Variants in TACC1 observed in about 807,000 individuals in gnomAD.
TACC1 encodes transforming acidic coiled-coil containing protein 1.
TACC1 carries 48 observed loss-of-function variants against 84.4 expected under a neutral mutation model. The ratio of observed to expected loss-of-function variants is 0.57; its 90% CI spans 0.45 to 0.72. The LOEUF (loss-of-function observed/expected upper bound fraction) is 0.72, where lower values mean the gene tolerates loss of function less well. Ranked by LOEUF, TACC1 falls within the 30% of genes least tolerant of loss-of-function variation. The pLI, the probability that TACC1 is intolerant of heterozygous loss-of-function variation, is 0.00. For synonymous variants in TACC1, 372 were observed against 376.3 expected (o/e 0.99, Z 0.13); for missense variants, 920 against 973.0 (o/e 0.95, Z 0.72).
chr8:38,797,159 T>C (rs1015009939), intron 2 of TACC1, among the ~76,000 whole-genome samples: 2 of 152,188 alleles, frequency 1.3e-5, no homozygotes, highest in Non-Finnish European at 2.9e-5. Flanking sequence ...TGCCCCAGAG[T>C]GAGTGATCCA....
In TACC1 at chr8:38,851,081, T is replaced by G. The variant is rs948284109; in HGVS notation, c.*3058T>G. On this transcript the variant is annotated 3_prime_UTR_variant, in exon 13 of 13. Transcript: ENST00000317827. Reference sequence around the variant, plus strand: ...AACCTTTTGTTCTGTAAAACTGCTCTGGAAATACCGGGAAGCCCAGTTTTC... The same window carrying G: ...AACCTTTTGTTCTGTAAAACTGCTCGGGAAATACCGGGAAGCCCAGTTTTC... The G allele has an allele frequency of 1.3e-5, 2 of 152,370 alleles. No homozygotes were observed. Among genetic ancestry groups the G allele is most frequent in the Non-Finnish European group, 2.9e-5 (2 of 68,050 alleles). The allele number at this position is 152,370 out of a possible 1,614,324, so 9.4% of individuals were successfully genotyped here.
chr8:38,804,544 A>G (rs1046633104), intron 2 of TACC1, among the ~76,000 whole-genome samples: 2 of 152,004 alleles, frequency 1.3e-5, no homozygotes, highest in African/African-American at 4.8e-5. Flanking sequence ...CAGGTGATCC[A>G]CCAACCTCGG....
rs528784555 is a variant in TACC1 at position 38,803,398 on chromosome 8, G to T, written c.277+14579G>T. On this transcript the variant is annotated intron_variant, in intron 2 of 12. Transcript: ENST00000317827. ...TATCATTAAGTATGACGTCAGCTGT[G>T]AGTTTTTCATAAATGCCCTTTATTG... Among the ~76,000 whole-genome samples the T allele has an allele frequency of 9.9e-5, 15 of 152,278 alleles. No homozygotes were observed. In the South Asian group the frequency reaches 3.1e-3, roughly 32 times the overall value.
chr8:38,846,457 C>T, intron 11 of TACC1: 2 of 316,920 alleles, frequency 6.3e-6, no homozygotes, highest in Non-Finnish European at 5.8e-6. Flanking sequence ...AAAAAAAAAT[C>T]TAAGACTGTT....
At chr8:38,738,381 T>G (rs1041560020) in intron 1 of TACC1, among the ~76,000 whole-genome samples, 3 of 152,170 alleles carry the variant, frequency 2.0e-5, no homozygotes, top group Admixed American at 6.5e-5. Flanking sequence ...AGTGCTGGAA[T>G]TATAGGTGTG....
intron 2 of TACC1, among the ~76,000 whole-genome samples, chr8:38,810,478 C>G (rs900385632): frequency 6.6e-6 from 1 of 151,914 alleles, no homozygotes; most frequent in African/African-American, 2.4e-5. Context: ...TGGCTGTATG[C>G]CTGTTGTCTC....
chr8:38,840,120 T>C (rs1285942853), intron 8 of TACC1, 104 bp from the exon 9 acceptor site: 3 of 688,520 alleles, frequency 4.4e-6, no homozygotes, highest in African/African-American at 3.7e-5. Context: ...ATTACATACA[T>C]TGTCAGTGTA....
intron 6 of TACC1, among the ~76,000 whole-genome samples, chr8:38,834,181 G>A (rs1829785630): frequency 6.6e-6 from 1 of 152,212 alleles, no homozygotes; most frequent in Non-Finnish European, 1.5e-5. Flanking sequence ...TGTTGATCAG[G>A]GCTGCAGTCA....
upstream of TACC1, chr8:38,785,905 T>C (rs1817050661): frequency 1.1e-5 from 2 of 175,832 alleles, no homozygotes; most frequent in African/African-American, 4.8e-5. Context: ...CCCCTTTCTT[T>C]TCTCTAGACT....
chr8:38,805,924 C>T (rs1270882075), intron 2 of TACC1, among the ~76,000 whole-genome samples: 2 of 152,152 alleles, frequency 1.3e-5, no homozygotes, highest in African/African-American at 4.8e-5. Context: ...TCTTATGTGG[C>T]CCTTAGTGGC....
chr8:38,821,130 A>G (rs1372018942), intron 3 of TACC1, among the ~76,000 whole-genome samples: 1 of 151,782 alleles, frequency 6.6e-6, no homozygotes, highest in Non-Finnish European at 1.5e-5. Context: ...GCTTGAACCC[A>G]GGAGGCAGAG....
chr8:38,822,011 A>G (rs1177076231), intron 3 of TACC1, among the ~76,000 whole-genome samples: 1 of 152,130 alleles, frequency 6.6e-6, no homozygotes, highest in Non-Finnish European at 1.5e-5. Context: ...CCTTGAGGCC[A>G]GGAGTTCAAG....
intron 3 of TACC1, among the ~76,000 whole-genome samples, chr8:38,773,054 G>A (rs943061924): frequency 2.6e-5 from 4 of 152,018 alleles, no homozygotes; most frequent in African/African-American, 4.8e-5. Context: ...TAGGCCCGGC[G>A]CGGTGGCTCA....
At position 38,851,370 on chromosome 8, in the gene TACC1, G is replaced by C. The variant is rs367840622; in HGVS notation, c.*3347G>C. 6.5e-6 allele frequency: 1 copy of C among 153,006 alleles called. No individual in the cohort carries two copies. Among genetic ancestry groups the C allele is most frequent in the African/African-American group, 2.4e-5 (1 of 41,452 alleles). 9.5% of individuals were successfully genotyped at this position (153,006 alleles called of 1,614,324 possible). A position where few individuals can be genotyped will look rare whatever the true frequency, so the allele number is the denominator to read the frequency against. On this transcript the variant is annotated 3_prime_UTR_variant, in exon 13 of 13. Coordinates refer to ENST00000317827, the MANE Select transcript of TACC1 (RefSeq NM_006283.3). ...AATTCACTCTAATTATAAACAGGGA[G>C]TGTAAACTGCCCCCAGATGTTCCTG...
intron 5 of TACC1, chr8:38,827,748 C>T: frequency 4.1e-6 from 1 of 243,972 alleles, no homozygotes; most frequent in East Asian, 1.1e-4. Flanking sequence ...TTATTTGGTT[C>T]ATGGTTCTGC....
chr8:38,826,226 A>C (rs2152256999), intron 4 of TACC1, among the ~76,000 whole-genome samples: 1 of 152,276 alleles, frequency 6.6e-6, no homozygotes, highest in Non-Finnish European at 1.5e-5. Flanking sequence ...TTACAATCTG[A>C]GTTATTTTTC....
Position 38,787,488 on chromosome 8 carries a change from G to A in TACC1, c.-95G>A. On this transcript the variant is annotated 5_prime_UTR_variant, in exon 1 of 13. Transcript: ENST00000317827. ...GCGCCTCTGCTGGAAACGCTTGCTG[G>A]CGCCTGTCACCGGTTCCCTCCATTT... The A allele has an allele frequency of 7.1e-7, 1 of 1,402,388 alleles. No homozygotes were observed. Among genetic ancestry groups the A allele is most frequent in the Non-Finnish European group, 9.2e-7 (1 of 1,082,324 alleles). The allele number at this position is 1,402,388 out of a possible 1,614,324, so 86.9% of individuals were successfully genotyped here.
At chr8:38,817,991 G>T (rs1032347186) in intron 2 of TACC1, among the ~76,000 whole-genome samples, 17 of 150,846 alleles carry the variant, frequency 1.1e-4, no homozygotes, top group Non-Finnish European at 2.2e-4. Context: ...CAGTGCTTTG[G>T]GAGACCAAGG....
chr8:38,836,239 C>T lies in TACC1; in HGVS notation c.1791C>T (p.Cys597=). The T allele has an allele frequency of 6.2e-7, 1 of 1,612,808 alleles. No homozygotes were observed. Among genetic ancestry groups the T allele is most frequent in the Non-Finnish European group, 8.5e-7 (1 of 1,179,864 alleles). ...GTGAGAGCCCCCTGGATGGGATCTG[C>T]CTCAGCGAATCAGACAAGACAGCCG... ...CGGESPLDGI[C]LSESDKTAVL... Residue 597 remains cysteine (C), a synonymous_variant, in exon 7 of 13, where the codon TGC becomes TGT. Transcript: ENST00000317827.
Sources: allele counts gnomAD v4.1 joint callset (sites outside exome capture counted in the v4.1 genomes callset), GRCh38; gene constraint gnomAD v4.1.1; transcripts MANE v1.5; gene names NCBI Gene and HGNC (gene_info 2026-07-23, HGNC 2026-07-21).